SGSM2: variants seen among roughly 807,000 people sequenced by gnomAD.
SGSM2 encodes the protein RUN and TBC1 domain containing 1.
SGSM2 carries 89 observed loss-of-function variants against 126.6 expected under a neutral mutation model. That is an observed-to-expected ratio of 0.70 (90% CI 0.59 to 0.84). SGSM2 has a LOEUF of 0.84. SGSM2 is among the 40% of genes least tolerant of loss of function. The pLI, the probability that SGSM2 is intolerant of heterozygous loss-of-function variation, is 0.00. For missense variants in SGSM2, 1,404 were observed against 1,416.6 expected (o/e 0.99, Z 0.14); for synonymous variants, 614 against 574.3 (o/e 1.07, Z -0.99).
chr17:2,380,669 T>C lies in SGSM2; in HGVS notation c.*1149T>C. ...TGCTTGCTCGGCCATCCCCACTTCC[T>C]CCTCTACCCCAACACATGCAGGCTA... On this transcript the variant is annotated 3_prime_UTR_variant, in exon 24 of 24. Coordinates refer to ENST00000268989, the MANE Select transcript of SGSM2 (RefSeq NM_014853.3). 2.9e-6 allele frequency: 1 copy of C among 347,926 alleles called. No individual in the cohort carries two copies. Among genetic ancestry groups the C allele is most frequent in the Non-Finnish European group, 5.4e-6 (1 of 183,996 alleles). 21.6% of individuals were successfully genotyped at this position (347,926 alleles called of 1,614,324 possible). A position where few individuals can be genotyped will look rare whatever the true frequency, so the allele number is the denominator to read the frequency against.
chr17:2,359,785 G>C (rs2065236574), intron 2 of SGSM2, among the ~76,000 whole-genome samples: 1 of 152,152 alleles, frequency 6.6e-6, no homozygotes, highest in Non-Finnish European at 1.5e-5. Flanking sequence ...ACACCACTGA[G>C]GCATGTGATC....
At position 2,367,835 on chromosome 17, in the gene SGSM2, G is replaced by A. The variant is rs906193102; in HGVS notation, c.1423+430G>A. ...TTAACAGAAACAGGATGGAGGTACC[G>A]GGTCCTTCCTGGGGCAGGGGCAGCA... On this transcript the variant is annotated intron_variant, in intron 12 of 23. Transcript: ENST00000268989. The surrounding 1 kb of genome is among the most constrained non-coding windows in gnomAD (Gnocchi z 4.0). Among the ~76,000 whole-genome samples the A allele has an allele frequency of 2.0e-5, 3 of 152,312 alleles. No individual in the cohort carries two copies. The highest frequency in any genetic ancestry group is 7.2e-5 in the African/African-American group (3 of 41,566).
At position 2,372,109 on chromosome 17, in the gene SGSM2, G is replaced by A. The variant is rs1423471081; in HGVS notation, c.1578-81G>A. ...TCCCCAGTGCCTTACCTGCCCCCCA[G>A]GACAGAGCCTCCTCCCTTCTCTCTC... On this transcript the variant is annotated intron_variant, in intron 13 of 23. Coordinates refer to ENST00000268989, the MANE Select transcript of SGSM2 (RefSeq NM_014853.3). The surrounding 1 kb of genome is among the most constrained non-coding windows in gnomAD (Gnocchi z 6.0). 8 of 1,552,238 alleles carry A rather than the reference G, an allele frequency of 5.2e-6. No individual in the cohort carries two copies. Among genetic ancestry groups the A allele is most frequent in the Non-Finnish European group, 7.1e-6 (8 of 1,131,178 alleles).
chr17:2,378,539 A>AAAAAG (rs913254210), intron 22 of SGSM2, among the ~76,000 whole-genome samples: 1 of 151,822 alleles, frequency 6.6e-6, no homozygotes, highest in Non-Finnish European at 1.5e-5. Flanking sequence ...TCAAAAAAAA[A>AAAAAG]AAAAGAAAAG....
intron 16 of SGSM2, 44 bp from the exon 17 acceptor site, chr17:2,373,287 C>T (rs1303970579): frequency 6.3e-7 from 1 of 1,588,910 alleles, no homozygotes; most frequent in South Asian, 1.1e-5. Context: ...AGGGGAGGGC[C>T]TGGTGCACGC....
chr17:2,375,710 C>A lies in SGSM2; in HGVS notation c.2319C>A (p.Ser773Arg). 6.2e-7 allele frequency: 1 copy of A among 1,611,792 alleles called. No homozygotes were observed. The change falls in exon 18 of 24, where the codon AGC becomes AGA. Residue 773 changes from serine to arginine, a missense_variant. Transcript: ENST00000268989. ...GIQSSLDEGQ[S>R]VGFEEEDGGG... ...AGTCAAGCCTAGATGAGGGGCAGAG[C>A]GTGGGCTTCGAAGAGGAGGACGGCG...
chr17:2,360,370 G>T (rs1318953131), intron 2 of SGSM2, among the ~76,000 whole-genome samples: 1 of 152,056 alleles, frequency 6.6e-6, no homozygotes, highest in Non-Finnish European at 1.5e-5. Flanking sequence ...AAAAAACCTT[G>T]ACAGACCTCA....
rs2065481670 is a variant in SGSM2, at chr17:2,364,822, G to A, written c.1001-75G>A. On this transcript the variant is annotated intron_variant, in intron 9 of 23. Transcript: ENST00000268989. ...AGCCCAGCCATCTGCCTCCTACCCA[G>A]CCTGGGGGCACTGGCCAGCAGGGTG... 1.9e-6 allele frequency: 3 copies of A among 1,584,786 alleles called. No homozygotes were observed. The Admixed American group carries it at 5.0e-5, about 27-fold the overall frequency.
chr17:2,359,576 T>C (rs1258257743), intron 2 of SGSM2, among the ~76,000 whole-genome samples: 1 of 152,062 alleles, frequency 6.6e-6, no homozygotes, highest in Non-Finnish European at 1.5e-5. Context: ...ATTCCTTAGT[T>C]GCAGTAATTG....
intron 2 of SGSM2, among the ~76,000 whole-genome samples, chr17:2,354,808 C>T (rs944886300): frequency 1.3e-5 from 2 of 152,190 alleles, no homozygotes; most frequent in South Asian, 2.1e-4. Flanking sequence ...TAAATTGGGT[C>T]TCTTGGAATG....
In SGSM2 at chr17:2,380,599, G is replaced by A; in HGVS notation, c.*1079G>A. 2.1e-6 allele frequency: 1 copy of A among 473,372 alleles called. No individual in the cohort carries two copies. The highest frequency in any genetic ancestry group is 3.9e-6 in the Non-Finnish European group (1 of 259,570). 29.3% of individuals were successfully genotyped at this position (473,372 alleles called of 1,614,324 possible). A position where few individuals can be genotyped will look rare whatever the true frequency, so the allele number is the denominator to read the frequency against. On this transcript the variant is annotated 3_prime_UTR_variant, in exon 24 of 24. Coordinates refer to ENST00000268989, the MANE Select transcript of SGSM2 (RefSeq NM_014853.3). Reference sequence around the variant, plus strand: ...CCCCTTGGAGGAGCTGTGTATGCGGGGGTGCCAGGAAGGGCATAGCTCCTG... The same window carrying A: ...CCCCTTGGAGGAGCTGTGTATGCGGAGGTGCCAGGAAGGGCATAGCTCCTG...
chr17:2,378,009 TC>T (rs1567853697), intron 22 of SGSM2, 56 bp downstream of exon 22: 2 of 1,130,952 alleles, frequency 1.8e-6, no homozygotes, highest in Non-Finnish European at 2.7e-6. Flanking sequence ...AGATCCCTCT[TC>T]CCCCAAGCCA....
chr17:2,375,582 ACT>A lies in SGSM2; in HGVS notation c.2193_2194del (p.Pro732GlyfsTer38). The A allele has an allele frequency of 6.2e-7, 1 of 1,613,372 alleles. No individual in the cohort carries two copies. Among genetic ancestry groups the A allele is most frequent in the Non-Finnish European group, 8.5e-7 (1 of 1,179,934 alleles). ...ACCTGAGCAGGAAGCAGGACCCGGG[ACT>A]CCGGGCACCGCCGTGGTGGAGCAGC... ...PKPEQEAGPG[T>X]PGTAVVEQQH... On this transcript the variant is annotated frameshift_variant, in exon 18 of 24. Transcript: ENST00000268989. LOFTEE classifies it high-confidence loss of function.
intron 2 of SGSM2, among the ~76,000 whole-genome samples, chr17:2,353,154 C>T (rs1020637920): frequency 3.9e-5 from 6 of 152,112 alleles, no homozygotes; most frequent in Admixed American, 3.3e-4. Flanking sequence ...TCTCAGCCCT[C>T]TGGATCGTTT....
In SGSM2 at chr17:2,337,867, G is replaced by T. The variant is rs1268081969; in HGVS notation, c.57+122G>T. On this transcript the variant is annotated intron_variant, in intron 1 of 23. Transcript: ENST00000268989. This position sits in a 1 kb window ranked among gnomAD's most constrained non-coding sequence, Gnocchi z 5.1. Reference sequence around the variant, plus strand: ...GGCCGAACCTGGGCCGGGCGGGGCGGGTCCTGGACGGGCTGCGCCTCCTTC... The same window carrying T: ...GGCCGAACCTGGGCCGGGCGGGGCGTGTCCTGGACGGGCTGCGCCTCCTTC... 1.9e-6 allele frequency: 1 copy of T among 520,640 alleles called. No individual in the cohort carries two copies. 32.3% of individuals were successfully genotyped at this position (520,640 alleles called of 1,614,324 possible).
intron 20 of SGSM2, 58 bp downstream of exon 20, chr17:2,376,873 T>TG: frequency 6.2e-7 from 1 of 1,607,058 alleles, no homozygotes; most frequent in African/African-American, 1.3e-5. Context: ...GACGAGAGGG[T>TG]GGCCAGGTCT....
intron 2 of SGSM2, among the ~76,000 whole-genome samples, chr17:2,357,826 T>A (rs970201310): frequency 1.3e-5 from 2 of 152,234 alleles, no homozygotes; most frequent in African/African-American, 2.4e-5. Context: ...CTTCTCCATT[T>A]TGATTCATTT....
At position 2,373,343 on chromosome 17, in the gene SGSM2, G is replaced by C; in HGVS notation, c.1930G>C (p.Val644Leu). Residue 644 changes from valine (V) to leucine (L), a missense_variant, in exon 17 of 24, where the codon GTG becomes CTG. Coordinates refer to ENST00000268989, the MANE Select transcript of SGSM2 (RefSeq NM_014853.3). ...GGTCTGAGTACAGGTGGACGCAGTG[G>C]TGGCAGCAAGGTACCAGCAGGTGTT... ...KKEMEQVDAV[V>L]AARYQQVLAE... 1 of 1,612,508 alleles carries C rather than the reference G, an allele frequency of 6.2e-7. No homozygotes were observed. Among genetic ancestry groups the C allele is most frequent in the Admixed American group, 1.7e-5 (1 of 59,998 alleles).
chr17:2,343,519 C>T, intron 1 of SGSM2, 26 bp from the exon 2 acceptor site: 1 of 1,610,914 alleles, frequency 6.2e-7, no homozygotes. Context: ...ATAATAAAAG[C>T]AGTGATGCTG....
Sources: gnomAD v4.1 joint callset for allele counts (sites outside exome capture counted in the v4.1 genomes callset) on GRCh38, gnomAD v4.1.1 for gene constraint, Gnocchi (gnomAD v3.1) non-coding constraint, MANE v1.5 for transcripts, NCBI Gene and HGNC (gene_info 2026-07-23, HGNC 2026-07-21) for gene names.